LGSN: variants seen among roughly 807,000 people sequenced by gnomAD.
LGSN encodes the protein lengsin.
A neutral mutation model predicts 19.5 loss-of-function variants in LGSN; 21 were observed. The ratio of observed to expected loss-of-function variants is 1.07; its 90% CI spans 0.76 to 1.55. The LOEUF is 1.55. Among genes scored for constraint, LGSN ranks in the 40% most tolerant of loss-of-function variants. LGSN has a pLI of 0.00. For synonymous variants in LGSN, 257 were observed against 215.6 expected, an observed-to-expected ratio of 1.19 and a Z score of -1.68; for missense variants, 673 against 608.5, an observed-to-expected ratio of 1.11 and a Z score of -1.12.
rs1375134607 is a variant in LGSN at position 63,293,796 on chromosome 6, C to G, written c.163+1117G>C. 1.5e-5 allele frequency: 7 copies of G among 456,496 alleles called. No homozygotes were observed. The East Asian group carries it at 4.9e-4, about 32-fold the overall frequency. The allele number at this position is 456,496 out of a possible 1,614,324, so 28.3% of individuals were successfully genotyped here. On this transcript the variant is annotated intron_variant, in intron 2 of 3. Coordinates refer to ENST00000370657, the MANE Select transcript of LGSN (RefSeq NM_016571.3). ...CAGATGAGACTCAGCAGAGCCAGGT[C>G]CCATGATAGGTTTGCTTGTGTTCCC...
At chr6:63,417,292 C>T in the LGSN span, among the ~76,000 whole-genome samples, 5 of 152,234 alleles carry the variant, frequency 3.3e-5, 1 homozygote, top group Admixed American at 2.0e-4. Flanking sequence ...CAAAACCAGG[C>T]TCATCACACC....
chr6:63,383,217 C>A, the LGSN span, among the ~76,000 whole-genome samples: 1 of 152,094 alleles, frequency 6.6e-6, no homozygotes, highest in African/African-American at 2.4e-5. Flanking sequence ...CCTTCCTCAG[C>A]CTCCCAAAGT....
At chr6:63,453,665 T>C in the LGSN span, among the ~76,000 whole-genome samples, 2 of 152,292 alleles carry the variant, frequency 1.3e-5, no homozygotes, top group East Asian at 3.9e-4. Flanking sequence ...TAATTTTTTC[T>C]TTTTTTGAGA....
At chr6:63,346,527 C>T in the LGSN span, among the ~76,000 whole-genome samples, 1 of 151,976 alleles carries the variant, frequency 6.6e-6, no homozygotes, top group Non-Finnish European at 1.5e-5. Flanking sequence ...TTTATAATAT[C>T]CTTTATAATA....
At chr6:63,533,641 G>T in the LGSN span, among the ~76,000 whole-genome samples, 1 of 152,056 alleles carries the variant, frequency 6.6e-6, no homozygotes, top group Non-Finnish European at 1.5e-5. Context: ...TAAATTTACA[G>T]ATAATAGCAA....
At chr6:63,369,909 T>C in the LGSN span, among the ~76,000 whole-genome samples, 1 of 152,002 alleles carries the variant, frequency 6.6e-6, no homozygotes, top group African/African-American at 2.4e-5. Flanking sequence ...GGCTAAGGCA[T>C]GAGAATTGCT....
intron 2 of LGSN, among the ~76,000 whole-genome samples, chr6:63,288,007 AG>A (rs1182577278): frequency 2.6e-5 from 4 of 151,946 alleles, no homozygotes; most frequent in Non-Finnish European, 4.4e-5. Flanking sequence ...CGAGGTCAGG[AG>A]TTCAAGACCA....
At chr6:63,449,437 C>G in the LGSN span, among the ~76,000 whole-genome samples, 1 of 151,158 alleles carries the variant, frequency 6.6e-6, no homozygotes, top group East Asian at 1.9e-4. Context: ...CCCAGCTACT[C>G]AGGAGGCTGA....
the LGSN span, among the ~76,000 whole-genome samples, chr6:63,476,008 AGAGCC>A: frequency 6.6e-6 from 1 of 152,228 alleles, no homozygotes; most frequent in Admixed American, 6.5e-5. Context: ...ATTCAGATCA[AGAGCC>A]GAGTGGAGAT....
chr6:63,318,269 G>A (rs79942209), intron 1 of LGSN, among the ~76,000 whole-genome samples: 45 of 152,248 alleles, frequency 3.0e-4, no homozygotes, highest in African/African-American at 9.6e-4. Context: ...TCTGCCCTTC[G>A]GAATCCACTG....
At chr6:63,327,749 T>C in the LGSN span, among the ~76,000 whole-genome samples, 37 of 152,184 alleles carry the variant, frequency 2.4e-4, no homozygotes, top group African/African-American at 8.7e-4. Context: ...CCATCTCTCT[T>C]TCTTTCTCTT....
At chr6:63,383,429 C>G in the LGSN span, among the ~76,000 whole-genome samples, 2 of 151,676 alleles carry the variant, frequency 1.3e-5, no homozygotes, top group African/African-American at 4.8e-5. Flanking sequence ...TACACAGACC[C>G]AGGGGATCAA....
At chr6:63,404,400 GT>G in the LGSN span, among the ~76,000 whole-genome samples, 1 of 152,076 alleles carries the variant, frequency 6.6e-6, no homozygotes. Flanking sequence ...GAACTAATAT[GT>G]AAGCTTAGCA....
the LGSN span, among the ~76,000 whole-genome samples, chr6:63,427,530 T>C: frequency 3.9e-5 from 6 of 152,152 alleles, no homozygotes. Flanking sequence ...TCAGTACAGA[T>C]TCTCAATTTT....
At chr6:63,535,897 C>T in the LGSN span, among the ~76,000 whole-genome samples, 50 of 152,310 alleles carry the variant, frequency 3.3e-4, no homozygotes, top group East Asian at 8.6e-3. Context: ...TTCAGCCTCC[C>T]GAGTATCTGG....
the LGSN span, among the ~76,000 whole-genome samples, chr6:63,515,309 G>T: frequency 6.6e-6 from 1 of 152,164 alleles, no homozygotes; most frequent in Admixed American, 6.5e-5. Context: ...TCAGCTCACT[G>T]CAACCTCCGC....
At chr6:63,283,399 A>T (rs957852143) in intron 3 of LGSN, among the ~76,000 whole-genome samples, 1 of 152,206 alleles carries the variant, frequency 6.6e-6, no homozygotes, top group Non-Finnish European at 1.5e-5. Context: ...AGTAAAGGTC[A>T]TCTTTTGAAA....
At chr6:63,444,260 A>G in the LGSN span, among the ~76,000 whole-genome samples, 53 of 152,322 alleles carry the variant, frequency 3.5e-4, no homozygotes, top group Non-Finnish European at 6.3e-4. Flanking sequence ...GATGAGTTAA[A>G]TTCTTTGCCC....
chr6:63,425,416 T>C, the LGSN span, among the ~76,000 whole-genome samples: 3 of 152,170 alleles, frequency 2.0e-5, no homozygotes, highest in African/African-American at 7.2e-5. Context: ...GGTAAGTTCA[T>C]GCCATGGAAT....
Sources: allele counts gnomAD v4.1 joint callset (sites outside exome capture counted in the v4.1 genomes callset), GRCh38; gene constraint gnomAD v4.1.1; transcripts MANE v1.5; gene names NCBI Gene and HGNC (gene_info 2026-07-23, HGNC 2026-07-21).